FLVCR2: variants seen among roughly 807,000 people sequenced by gnomAD.
The protein encoded by FLVCR2 is FLVCR choline and putative heme transporter 2, also known as choline/ethanolamine transporter FLVCR2.
A neutral mutation model predicts 48.9 loss-of-function variants in FLVCR2; 38 were observed. The ratio of observed to expected loss-of-function variants is 0.78; its 90% CI spans 0.60 to 1.02. The LOEUF is 1.02. Among genes scored for constraint, FLVCR2 ranks in the 50% least tolerant of loss-of-function variants. FLVCR2 has a pLI of 0.00. For synonymous variants in FLVCR2, 255 were observed against 257.0 expected, an observed-to-expected ratio of 0.99 and a Z score of 0.07; for missense variants, 664 against 663.3, an observed-to-expected ratio of 1.00 and a Z score of -0.01.
chr14:75,584,801 T>C (rs546567223), intron 1 of FLVCR2, among the ~76,000 whole-genome samples: 3 of 152,312 alleles, frequency 2.0e-5, no homozygotes, highest in Admixed American at 6.5e-5. Flanking sequence ...GGTTAAATTA[T>C]AGGACAGAGT....
chr14:75,585,856 T>C (rs1023688380), intron 1 of FLVCR2, among the ~76,000 whole-genome samples: 1 of 152,018 alleles, frequency 6.6e-6, no homozygotes, highest in Non-Finnish European at 1.5e-5. Flanking sequence ...GACAGGGAGA[T>C]TGATGGGTAG....
Position 75,578,994 on chromosome 14 carries a change from C to T in FLVCR2, c.22C>T (p.Gln8Ter), listed in dbSNP as rs1352796033. Residue 8 changes from glutamine to a stop codon, truncating the protein, a stop_gained, in exon 1 of 10, where the codon CAG becomes TAG. Coordinates refer to ENST00000238667, the MANE Select transcript of FLVCR2 (RefSeq NM_017791.3). LOFTEE classifies it high-confidence loss of function. MVNEGPN[Q>*]EESDDTPVPE... ...GGCGATGGTGAATGAAGGTCCCAAC[C>T]AGGAAGAGAGCGATGACACCCCTGT... is the stretch of plus-strand genomic sequence containing the variant. 2.5e-6 allele frequency: 4 copies of T among 1,614,116 alleles called. No individual in the cohort carries two copies. The highest frequency in any genetic ancestry group is 1.7e-6 in the Non-Finnish European group (2 of 1,179,990).
rs1888736893 is a variant in FLVCR2 at position 75,585,976 on chromosome 14, C to T, written c.669+6335C>T. On this transcript the variant is annotated intron_variant, in intron 1 of 9. Coordinates refer to ENST00000238667, the MANE Select transcript of FLVCR2 (RefSeq NM_017791.3). ...TCCTTGGGCTGGTTGGTCTGAGGAC[C>T]CGAGGTCGTAGGTGGATCTCTTCAC... Among the ~76,000 whole-genome samples, 3 of 152,098 alleles carry T rather than the reference C, an allele frequency of 2.0e-5. No homozygotes were observed. The South Asian group carries it at 6.2e-4, about 32-fold the overall frequency.
chr14:75,631,429 C>T (rs1271195756), intron 3 of FLVCR2, among the ~76,000 whole-genome samples: 2 of 152,306 alleles, frequency 1.3e-5, no homozygotes, highest in Non-Finnish European at 2.9e-5. Context: ...CATTGAGCCC[C>T]AGAAAAACCA....
intron 1 of FLVCR2, among the ~76,000 whole-genome samples, chr14:75,621,198 G>A (rs1889755701): frequency 6.6e-6 from 1 of 152,068 alleles, no homozygotes; most frequent in South Asian, 2.1e-4. Context: ...TGGATCACGA[G>A]GTCAAGAGAT....
chr14:75,618,799 G>T (rs1292244013), intron 1 of FLVCR2, among the ~76,000 whole-genome samples: 3 of 151,970 alleles, frequency 2.0e-5, no homozygotes, highest in Non-Finnish European at 2.9e-5. Context: ...GTGAGCCTGG[G>T]TTCTGACATC....
chr14:75,624,810 T>C, intron 3 of FLVCR2, 58 bp downstream of exon 3: 2 of 1,582,226 alleles, frequency 1.3e-6, no homozygotes, highest in Non-Finnish European at 1.7e-6. Flanking sequence ...ATGAGAGGCC[T>C]GATGTGTCTT....
intron 8 of FLVCR2, 89 bp downstream of exon 8, chr14:75,641,382 C>T (rs982386334): frequency 3.0e-5 from 25 of 820,454 alleles, no homozygotes; most frequent in Middle Eastern, 3.0e-4. Context: ...GGAGTACGTA[C>T]GTAGGGGGAC....
intron 1 of FLVCR2, among the ~76,000 whole-genome samples, chr14:75,580,299 A>C (rs1386734119): frequency 6.6e-6 from 1 of 152,194 alleles, no homozygotes; most frequent in East Asian, 1.9e-4. Context: ...AGAAGCTCAA[A>C]TTCTTTGCAT....
At chr14:75,642,295 T>A (rs926175675) in intron 9 of FLVCR2, among the ~76,000 whole-genome samples, 1 of 152,200 alleles carries the variant, frequency 6.6e-6, no homozygotes, top group Non-Finnish European at 1.5e-5. Context: ...TCCACCACTC[T>A]GTCATGGCAG....
chr14:75,593,979 G>A (rs367679860), intron 1 of FLVCR2, among the ~76,000 whole-genome samples: 1 of 152,046 alleles, frequency 6.6e-6, no homozygotes, highest in Non-Finnish European at 1.5e-5. Context: ...TACTATATGT[G>A]CTTCAAAGTA....
At chr14:75,628,123 T>C (rs1378760650) in intron 3 of FLVCR2, among the ~76,000 whole-genome samples, 2 of 135,126 alleles carry the variant, frequency 1.5e-5, no homozygotes, top group Non-Finnish European at 3.4e-5. Context: ...ACAAAAACAA[T>C]TTTTTTTTTT....
intron 1 of FLVCR2, among the ~76,000 whole-genome samples, chr14:75,596,530 G>A (rs533965228): frequency 9.2e-5 from 14 of 152,208 alleles, no homozygotes; most frequent in South Asian, 6.2e-4. Context: ...AGCATGACTC[G>A]GTGGTGTCAG....
At chr14:75,616,044 A>AAAAAAAAAG (rs1272014340) in intron 1 of FLVCR2, among the ~76,000 whole-genome samples, 1 of 145,332 alleles carries the variant, frequency 6.9e-6, no homozygotes, top group East Asian at 2.0e-4. Context: ...AAAAAAAAAA[A>AAAAAAAAAG]AAAATAGCGT....
At chr14:75,640,703 A>C in intron 6 of FLVCR2, 1 of 534,872 alleles carries the variant, frequency 1.9e-6, no homozygotes, top group Non-Finnish European at 3.4e-6. Context: ...ACTGATGGCA[A>C]GATGGAGAAG....
chr14:75,580,582 C>T lies in FLVCR2; in HGVS notation c.669+941C>T, dbSNP rs115333713. Among the ~76,000 whole-genome samples the T allele has an allele frequency of 5.2e-3, 796 of 152,278 alleles. 10 individuals carry two copies. The highest frequency in any genetic ancestry group is 0.018 in the African/African-American group (768 of 41,538). ...TTTATTTCACCTGGGTGTAAGCAGGCTGAGTCTGAAAAAGGAGTCAGCAAA... is the reference window on the plus strand; with the variant it reads ...TTTATTTCACCTGGGTGTAAGCAGGTTGAGTCTGAAAAAGGAGTCAGCAAA... On this transcript the variant is annotated intron_variant, in intron 1 of 9. Transcript: ENST00000238667.
chr14:75,640,715 A>T, intron 6 of FLVCR2: 1 of 553,888 alleles, frequency 1.8e-6, no homozygotes, highest in Non-Finnish European at 3.2e-6. Context: ...ATGGAGAAGC[A>T]GCAAGGGATC....
intron 1 of FLVCR2, among the ~76,000 whole-genome samples, chr14:75,599,198 C>T (rs1054531112): frequency 1.3e-5 from 2 of 152,180 alleles, no homozygotes; most frequent in Non-Finnish European, 2.9e-5. Context: ...TTTAACTCAC[C>T]TTTGCCCCAT....
rs12323563 is a variant in FLVCR2 at position 75,642,080 on chromosome 14, G to T, written c.1509+182G>T. 24,893 of 629,770 alleles carry T rather than the reference G, an allele frequency of 0.04. 748 individuals carry two copies. Among genetic ancestry groups the T allele is most frequent in the African/African-American group, 0.12 (6,730 of 54,530 alleles). 39.0% of individuals were successfully genotyped at this position (629,770 alleles called of 1,614,324 possible). A position where few individuals can be genotyped will look rare whatever the true frequency, so the allele number is the denominator to read the frequency against. ...CCTCAGTGGGCATCTTTGGCATTGCGTTCTTGCTACTGCTACCCTTTCTTG... is the reference window on the plus strand; with the variant it reads ...CCTCAGTGGGCATCTTTGGCATTGCTTTCTTGCTACTGCTACCCTTTCTTG... On this transcript the variant is annotated intron_variant, in intron 9 of 9. Coordinates refer to ENST00000238667, the MANE Select transcript of FLVCR2 (RefSeq NM_017791.3).
Sources: allele counts gnomAD v4.1 joint callset (sites outside exome capture counted in the v4.1 genomes callset), GRCh38; gene constraint gnomAD v4.1.1; transcripts MANE v1.5; gene names NCBI Gene and HGNC (gene_info 2026-07-23, HGNC 2026-07-21).